Variants in PCDHGB6 observed in about 807,000 individuals in gnomAD.
The protein encoded by PCDHGB6 is protocadherin gamma subfamily B, 6, also known as protocadherin gamma-B6.
In PCDHGB6, 51 loss-of-function variants were observed where a neutral mutation model predicts 59.1. That is an observed-to-expected ratio of 0.86 (90% CI 0.69 to 1.09). The LOEUF (loss-of-function observed/expected upper bound fraction) is 1.09. Among genes scored for constraint, PCDHGB6 ranks in the 50% least tolerant of loss-of-function variants. PCDHGB6 has a pLI of 0.00. For missense variants in PCDHGB6, 1,148 were observed against 1,205.1 expected, an observed-to-expected ratio of 0.95 and a Z score of 0.70; for synonymous variants, 466 against 495.1, an observed-to-expected ratio of 0.94 and a Z score of 0.78.
At chr5:141,427,722 G>C (rs755543438) in intron 1 of PCDHGB6, 7 of 1,120,986 alleles carry the variant, frequency 6.2e-6, no homozygotes, top group Non-Finnish European at 9.3e-6. Context: ...CCTGGACCTA[G>C]GGCTGAATGG....
At chr5:141,449,101 G>T (rs1020443363) in intron 1 of PCDHGB6, among the ~76,000 whole-genome samples, 3 of 152,144 alleles carry the variant, frequency 2.0e-5, no homozygotes, top group Non-Finnish European at 4.4e-5. Flanking sequence ...TACATATGCA[G>T]TATATCTTTG....
rs2099670287 is a variant in PCDHGB6, at chr5:141,487,983, TC to T, written c.2419-6822del. Among the ~76,000 whole-genome samples, 3 of 152,290 alleles carry T rather than the reference TC, an allele frequency of 2.0e-5. No individual in the cohort carries two copies. The South Asian group carries it at 6.2e-4, about 32-fold the overall frequency. ...CAAAGGTGGCTGTTTTCTCTACTCT[TC>T]CTGAAAGAGGGGATCAGATTCTGAA... On this transcript the variant is annotated intron_variant, in intron 1 of 3. Coordinates refer to ENST00000520790, the MANE Select transcript of PCDHGB6 (RefSeq NM_018926.3). This position sits in a 1 kb window ranked among gnomAD's most constrained non-coding sequence, Gnocchi z 5.0.
At chr5:141,415,095 C>T (rs1045755927) in intron 1 of PCDHGB6, 1 of 1,613,584 alleles carries the variant, frequency 6.2e-7, no homozygotes, top group Non-Finnish European at 8.5e-7. Context: ...TGGACAGAGA[C>T]GCGCTCAAGC....
intron 1 of PCDHGB6, chr5:141,419,588 A>C: frequency 6.2e-7 from 1 of 1,611,830 alleles, no homozygotes; most frequent in Non-Finnish European, 8.5e-7. Flanking sequence ...GCTCTTCGAC[A>C]CAGTGCCGCG....
At chr5:141,482,457 C>T (rs1279922250) in intron 1 of PCDHGB6, among the ~76,000 whole-genome samples, 3 of 147,484 alleles carry the variant, frequency 2.0e-5, no homozygotes, top group Non-Finnish European at 3.0e-5. Context: ...TATTAGCATC[C>T]CTATGTGCCA....
rs754835805 is a variant in PCDHGB6 at position 141,415,008 on chromosome 5, T to C, written c.2418+4388T>C. ...GCCAGAACGCCTGGCTGTCCTACCGTCTGCTCAAGGCCAGCGAGCCGGGAC... is the reference window on the plus strand; with the variant it reads ...GCCAGAACGCCTGGCTGTCCTACCGCCTGCTCAAGGCCAGCGAGCCGGGAC... On this transcript the variant is annotated intron_variant, in intron 1 of 3. Transcript: ENST00000520790. 3.1e-6 allele frequency: 5 copies of C among 1,613,636 alleles called. No individual in the cohort carries two copies. The South Asian group carries it at 3.3e-5, about 11-fold the overall frequency.
chr5:141,419,354 C>G (rs1444462815), intron 1 of PCDHGB6: 1 of 1,613,828 alleles, frequency 6.2e-7, no homozygotes, highest in Admixed American at 1.7e-5. Flanking sequence ...CCTGGAGTCA[C>G]GAACGCTGTC....
intron 1 of PCDHGB6, among the ~76,000 whole-genome samples, chr5:141,425,603 A>G (rs2096884807): frequency 6.6e-6 from 1 of 152,218 alleles, no homozygotes; most frequent in Non-Finnish European, 1.5e-5. Context: ...TATGCCCTAT[A>G]TAGCTTTCAG....
At chr5:141,481,822 G>A (rs1017311512) in intron 1 of PCDHGB6, among the ~76,000 whole-genome samples, 12 of 151,620 alleles carry the variant, frequency 7.9e-5, no homozygotes, top group Non-Finnish European at 1.5e-4. Context: ...CGTGGTGGCT[G>A]AGGCAGGAGA....
chr5:141,501,618 T>G (rs1307485559), intron 2 of PCDHGB6, among the ~76,000 whole-genome samples: 2 of 152,068 alleles, frequency 1.3e-5, no homozygotes, highest in African/African-American at 4.8e-5. Flanking sequence ...GTGACTCTGG[T>G]ATAGTCTCTC....
chr5:141,430,885 C>G, intron 1 of PCDHGB6: 1 of 1,605,218 alleles, frequency 6.2e-7, no homozygotes, highest in Non-Finnish European at 8.5e-7. Context: ...TGGAGAAAGG[C>G]TCTAGGGTGG....
intron 1 of PCDHGB6, chr5:141,413,677 G>T (rs539552615): frequency 6.2e-7 from 1 of 1,613,794 alleles, no homozygotes; most frequent in East Asian, 2.2e-5. Flanking sequence ...GGATGTGGGC[G>T]TGAACTCCCT....
rs537985555 is a variant in PCDHGB6 at position 141,449,278 on chromosome 5, C to A, written c.2418+38658C>A. On this transcript the variant is annotated intron_variant, in intron 1 of 3. Coordinates refer to ENST00000520790, the MANE Select transcript of PCDHGB6 (RefSeq NM_018926.3). ...TGTACAAAGAACTGTATCTCCTTCA[C>A]CCGGATGCACCGGGTGAATTATATG... Among the ~76,000 whole-genome samples the A allele has an allele frequency of 4.6e-5, 7 of 152,166 alleles. No homozygotes were observed. In the South Asian group the frequency reaches 1.5e-3, roughly 32 times the overall value.
At position 141,491,462 on chromosome 5, in the gene PCDHGB6, T is replaced by C; in HGVS notation, c.2419-3345T>C. 1.2e-6 allele frequency: 2 copies of C among 1,614,004 alleles called. No individual in the cohort carries two copies. The highest frequency in any genetic ancestry group is 1.7e-6 in the Non-Finnish European group (2 of 1,179,978). ...CGCCAGGACTCACCCTCCCCGGACT[T>C]CTATAAGCAGTCCAGCCCCAACCTG... On this transcript the variant is annotated intron_variant, in intron 1 of 3. Coordinates refer to ENST00000520790, the MANE Select transcript of PCDHGB6 (RefSeq NM_018926.3). This position sits in a 1 kb window ranked among gnomAD's most constrained non-coding sequence, Gnocchi z 6.9.
chr5:141,408,052 C>G lies in PCDHGB6; in HGVS notation c.-151C>G. On this transcript the variant is annotated 5_prime_UTR_variant, in exon 1 of 4. Transcript: ENST00000520790. ...AAGAAAACCAGCTCCCACACAGAGC[C>G]TCCCGGCTGCGCAGACCTTTCCCAG... 1 of 1,283,102 alleles carries G rather than the reference C, an allele frequency of 7.8e-7. No homozygotes were observed. The highest frequency in any genetic ancestry group is 1.0e-6 in the Non-Finnish European group (1 of 961,372). The allele number at this position is 1,283,102 out of a possible 1,614,324, so 79.5% of individuals were successfully genotyped here. A position where few individuals can be genotyped will look rare whatever the true frequency, so the allele number is the denominator to read the frequency against.
At chr5:141,419,916 C>T in intron 1 of PCDHGB6, 1 of 1,614,080 alleles carries the variant, frequency 6.2e-7, no homozygotes, top group Non-Finnish European at 8.5e-7. Context: ...GACTCCCAGG[C>T]TGAGATGCAG....
intron 1 of PCDHGB6, among the ~76,000 whole-genome samples, chr5:141,454,239 A>T (rs1221886368): frequency 6.6e-6 from 1 of 152,200 alleles, no homozygotes; most frequent in Non-Finnish European, 1.5e-5. Context: ...GATGAAAAGG[A>T]TGAAGATGTC....
intron 1 of PCDHGB6, among the ~76,000 whole-genome samples, chr5:141,465,140 G>A (rs1019369475): frequency 5.3e-5 from 8 of 151,554 alleles, no homozygotes; most frequent in Non-Finnish European, 7.4e-5. Context: ...AAGTTTAGGG[G>A]ATATATGAAG....
At chr5:141,413,195 G>A (rs771456948) in intron 1 of PCDHGB6, 2 of 1,610,846 alleles carry the variant, frequency 1.2e-6, no homozygotes, top group Admixed American at 1.7e-5. Context: ...CAAAGGAATC[G>A]CTCAAAGGAA....
Sources: gnomAD v4.1 joint callset for allele counts (sites outside exome capture counted in the v4.1 genomes callset) on GRCh38, gnomAD v4.1.1 for gene constraint, Gnocchi (gnomAD v3.1) non-coding constraint, MANE v1.5 for transcripts, NCBI Gene and HGNC (gene_info 2026-07-23, HGNC 2026-07-21) for gene names.